The following WWOX variants were observed in gnomAD, a reference collection of about 807,000 sequenced individuals.
WWOX encodes the protein WW domain-containing oxidoreductase.
In WWOX, 69 loss-of-function variants were observed where a neutral mutation model predicts 46.2. That is an observed-to-expected ratio of 1.49 (90% CI 1.23 to 1.82). The LOEUF (loss-of-function observed/expected upper bound fraction) is 1.82. Among genes scored for constraint, WWOX ranks in the 40% most tolerant of loss-of-function variants. The probability of loss-of-function intolerance (pLI) is 0.00; values close to 1 mark genes in which losing one functional copy is unlikely to be tolerated. For synonymous variants in WWOX, 359 were observed against 202.6 expected (o/e 1.77, Z -6.56); for missense variants, 919 against 542.6 (o/e 1.69, Z -6.89).
chr16:78,112,412 C>T (rs2032542551), intron 3 of WWOX, among the ~76,000 whole-genome samples: 1 of 151,390 alleles, frequency 6.6e-6, no homozygotes, highest in African/African-American at 2.4e-5. Flanking sequence ...GTAACAAGTT[C>T]AAATGACATG....
Position 79,106,622 on chromosome 16 carries a change from C to T in WWOX, c.1057-104986C>T, listed in dbSNP as rs1409568010. 5 of 74,198 alleles carry T rather than the reference C, an allele frequency of 6.7e-5. No homozygotes were observed. The South Asian group carries it at 1.3e-3, about 20-fold the overall frequency. The allele number at this position is 74,198 out of a possible 1,614,324, so 4.6% of individuals were successfully genotyped here. A position where few individuals can be genotyped will look rare whatever the true frequency, so the allele number is the denominator to read the frequency against. On this transcript the variant is annotated intron_variant, in intron 8 of 8. Coordinates refer to ENST00000566780, the MANE Select transcript of WWOX (RefSeq NM_016373.4). Reference sequence around the variant, plus strand: ...TTTTTTTTTTTTTTTTTTTGGAGAACGGTCTGGTTCTGTCACCCAGGTTGG... The same window carrying T: ...TTTTTTTTTTTTTTTTTTTGGAGAATGGTCTGGTTCTGTCACCCAGGTTGG...
chr16:79,119,874 T>C lies in WWOX; in HGVS notation c.1057-91734T>C, dbSNP rs183250516. On this transcript the variant is annotated intron_variant, in intron 8 of 8. Coordinates refer to ENST00000566780, the MANE Select transcript of WWOX (RefSeq NM_016373.4). The stretch of plus-strand genomic sequence containing the variant: ...CAAGACATAGGGTTTTATTAGGGGT[T>C]TACCTACAAAGGAGAGAGTTTAGTG... 4.7e-3 allele frequency among the ~76,000 whole-genome samples: 714 copies of C among 152,274 alleles called. 7 individuals are homozygous for C. The highest frequency in any genetic ancestry group is 0.016 in the African/African-American group (685 of 41,552).
chr16:78,983,491 A>G (rs985751934), intron 8 of WWOX, among the ~76,000 whole-genome samples: 1 of 152,218 alleles, frequency 6.6e-6, no homozygotes, highest in Non-Finnish European at 1.5e-5. Flanking sequence ...CCATCATGCT[A>G]TGAAAAGAGA....
chr16:78,971,309 C>T (rs905599904), intron 8 of WWOX, among the ~76,000 whole-genome samples: 1 of 151,512 alleles, frequency 6.6e-6, no homozygotes, highest in Non-Finnish European at 1.5e-5. Flanking sequence ...ACTAAAAATA[C>T]AAAAATTAGG....
At chr16:78,456,044 C>T (rs980450086) in intron 8 of WWOX, among the ~76,000 whole-genome samples, 21 of 152,132 alleles carry the variant, frequency 1.4e-4, no homozygotes, top group African/African-American at 5.1e-4. Flanking sequence ...ACCGAAGGAG[C>T]TTAGAGGGAA....
intron 5 of WWOX, among the ~76,000 whole-genome samples, chr16:78,249,031 G>T (rs942258219): frequency 3.3e-5 from 5 of 151,826 alleles, no homozygotes; most frequent in African/African-American, 1.2e-4. Flanking sequence ...TAATTTTTTT[G>T]TACTTTTAGT....
chr16:78,444,051 C>T (rs1030262343), intron 8 of WWOX, among the ~76,000 whole-genome samples: 1 of 152,210 alleles, frequency 6.6e-6, no homozygotes, highest in South Asian at 2.1e-4. Context: ...GTAATGTTTT[C>T]CTAGCAAAAA....
At chr16:78,393,892 C>T (rs1318169873) in intron 6 of WWOX, among the ~76,000 whole-genome samples, 1 of 151,764 alleles carries the variant, frequency 6.6e-6, no homozygotes, top group East Asian at 1.9e-4. Context: ...CCTTGCTTTA[C>T]TTCTTAAACA....
intron 8 of WWOX, among the ~76,000 whole-genome samples, chr16:78,742,167 A>G (rs568024110): frequency 2.0e-5 from 3 of 152,360 alleles, no homozygotes; most frequent in Admixed American, 2.0e-4. Context: ...TATTACATGT[A>G]GATTGTACAT....
chr16:78,411,360 C>G (rs577656951), intron 6 of WWOX, among the ~76,000 whole-genome samples: 1 of 152,094 alleles, frequency 6.6e-6, no homozygotes, highest in Non-Finnish European at 1.5e-5. Context: ...GAGGGCTAAT[C>G]AACGTGTTGA....
intron 8 of WWOX, among the ~76,000 whole-genome samples, chr16:78,510,887 G>A (rs1374268641): frequency 6.6e-6 from 1 of 152,264 alleles, no homozygotes; most frequent in Non-Finnish European, 1.5e-5. Flanking sequence ...CACCTGCTTC[G>A]GTGCCTGGCA....
At chr16:78,902,753 C>T (rs1339456951) in intron 8 of WWOX, among the ~76,000 whole-genome samples, 1 of 152,214 alleles carries the variant, frequency 6.6e-6, no homozygotes, top group Non-Finnish European at 1.5e-5. Context: ...CTTTTCCATC[C>T]ACTGTCTTCT....
At chr16:78,277,957 A>G (rs1331248471) in intron 5 of WWOX, among the ~76,000 whole-genome samples, 2 of 152,174 alleles carry the variant, frequency 1.3e-5, no homozygotes, top group African/African-American at 4.8e-5. Flanking sequence ...CCATGGGGTT[A>G]AAAAAAGTGA....
intron 8 of WWOX, among the ~76,000 whole-genome samples, chr16:78,519,116 C>T (rs1216630380): frequency 6.6e-6 from 1 of 152,190 alleles, no homozygotes; most frequent in African/African-American, 2.4e-5. Flanking sequence ...TTGGCTCCGT[C>T]TATTAGCTGT....
At chr16:79,158,450 G>A (rs545886757) in intron 8 of WWOX, among the ~76,000 whole-genome samples, 6 of 152,144 alleles carry the variant, frequency 3.9e-5, no homozygotes, top group East Asian at 1.9e-4. Flanking sequence ...AGCGGATGGC[G>A]TTTAACTCTG....
At position 78,527,378 on chromosome 16, in the gene WWOX, C is replaced by G. The variant is rs568941414; in HGVS notation, c.1056+94626C>G. On this transcript the variant is annotated intron_variant, in intron 8 of 8. Coordinates refer to ENST00000566780, the MANE Select transcript of WWOX (RefSeq NM_016373.4). ...GTATGATCTCAGCTCACTGCCACCTCTGCCTCCTGTAATCAAGAGATTTTC... is the reference window on the plus strand; with the variant it reads ...GTATGATCTCAGCTCACTGCCACCTGTGCCTCCTGTAATCAAGAGATTTTC... Among the ~76,000 whole-genome samples the G allele has an allele frequency of 2.2e-3, 336 of 150,346 alleles. 3 individuals carry two copies. Among genetic ancestry groups the G allele is most frequent in the African/African-American group, 7.5e-3 (309 of 41,012 alleles).
chr16:78,599,582 T>C (rs929926484), intron 8 of WWOX, among the ~76,000 whole-genome samples: 2 of 152,168 alleles, frequency 1.3e-5, no homozygotes, highest in East Asian at 3.9e-4. Context: ...CCCCACTTAA[T>C]TGTTCCTGAC....
chr16:78,936,204 G>T (rs2045733780), intron 8 of WWOX, among the ~76,000 whole-genome samples: 1 of 152,128 alleles, frequency 6.6e-6, no homozygotes, highest in Non-Finnish European at 1.5e-5. Flanking sequence ...GGCAAAGGCA[G>T]TGAGTTTAAT....
chr16:79,195,119 A>G (rs2150816933), intron 8 of WWOX, among the ~76,000 whole-genome samples: 1 of 152,230 alleles, frequency 6.6e-6, no homozygotes, highest in Admixed American at 6.5e-5. Context: ...AGAGGAGAAA[A>G]CAGAGGCTCA....
Sources: allele counts gnomAD v4.1 joint callset (sites outside exome capture counted in the v4.1 genomes callset), GRCh38; gene constraint gnomAD v4.1.1; transcripts MANE v1.5; gene names NCBI Gene and HGNC (gene_info 2026-07-23, HGNC 2026-07-21).